ARHGEF10: variants seen among roughly 807,000 people sequenced by gnomAD.
ARHGEF10 encodes Rho guanine nucleotide exchange factor 10.
Under a neutral mutation model 147.4 loss-of-function variants are expected in ARHGEF10, and 140 were observed. The ratio of observed to expected loss-of-function variants is 0.95; its 90% CI spans 0.83 to 1.09. The LOEUF is 1.09. ARHGEF10 is among the 50% of genes least tolerant of loss of function. The probability of loss-of-function intolerance (pLI) is 0.00; values close to 1 mark genes in which losing one functional copy is unlikely to be tolerated. For missense variants in ARHGEF10, 2,222 were observed against 1,752.7 expected, an observed-to-expected ratio of 1.27 and a Z score of -4.78; for synonymous variants, 902 against 695.8, an observed-to-expected ratio of 1.30 and a Z score of -4.67.
At chr8:1,934,848 C>CT (rs1239346635) in intron 26 of ARHGEF10, among the ~76,000 whole-genome samples, 3 of 152,128 alleles carry the variant, frequency 2.0e-5, no homozygotes, top group Non-Finnish European at 4.4e-5. Context: ...AATTTAATAA[C>CT]TTTTTTCACA....
chr8:1,843,880 C>G (rs1354848278), intron 2 of ARHGEF10, among the ~76,000 whole-genome samples: 1 of 152,200 alleles, frequency 6.6e-6, no homozygotes, highest in African/African-American at 2.4e-5. Flanking sequence ...ACAAGCACGC[C>G]CTCTCTATCC....
At chr8:1,881,063 G>A (rs1808150134) in intron 9 of ARHGEF10, among the ~76,000 whole-genome samples, 1 of 152,184 alleles carries the variant, frequency 6.6e-6, no homozygotes, top group South Asian at 2.1e-4. Context: ...ACCATGGGAG[G>A]GGTGTGTGAG....
chr8:1,872,009 A>G (rs1807168706), intron 7 of ARHGEF10, among the ~76,000 whole-genome samples: 1 of 152,138 alleles, frequency 6.6e-6, no homozygotes, highest in Non-Finnish European at 1.5e-5. Context: ...TAGTACAAAA[A>G]TAGACAAGCC....
rs868042811 is a variant in ARHGEF10, at chr8:1,869,205, G to T, written c.634G>T (p.Ala212Ser). Residue 212 changes from alanine (A) to serine (S), a missense_variant, in exon 7 of 29, where the codon GCA becomes TCA. Physicochemically the swap from Ala to Ser is moderately conservative, Grantham distance 99. Transcript: ENST00000349830. ...NTAWMENPEE[A>S]IYDDVPRENS... Reference sequence around the variant, plus strand: ...CCCGTTTATTGCAGATCCAGAGGAAGCAATTTACGATGACGTTCCAAGGGA... The same window carrying T: ...CCCGTTTATTGCAGATCCAGAGGAATCAATTTACGATGACGTTCCAAGGGA... 5 of 1,614,008 alleles carry T rather than the reference G, an allele frequency of 3.1e-6. No individual in the cohort carries two copies. The highest frequency in any genetic ancestry group is 1.6e-4 in the Middle Eastern group (1 of 6,062).
At chr8:1,856,393 C>T (rs949332456) in intron 2 of ARHGEF10, among the ~76,000 whole-genome samples, 18 of 152,216 alleles carry the variant, frequency 1.2e-4, no homozygotes, top group Admixed American at 7.2e-4. Context: ...ATCCAGTTCA[C>T]GCTGTCGTGG....
chr8:1,919,159 G>GTGGGTGATGGAGCTGTTCTC (rs1429105465), intron 18 of ARHGEF10, among the ~76,000 whole-genome samples: 1 of 142,994 alleles, frequency 7.0e-6, no homozygotes, highest in African/African-American at 2.6e-5. Flanking sequence ...GAGCTGTTCC[G>GTGGGTGATGGAGCTGTTCTC]TGGGTGATGG....
Position 1,830,631 on chromosome 8 carries a change from C to T in ARHGEF10, c.-48+6518C>T, listed in dbSNP as rs556431722. ...CTAAGTACTAAGTGCTCTCACGCCC[C>T]AAGGCAGGGTGTGAACCGCAGAGAC... is the stretch of plus-strand genomic sequence containing the variant. On this transcript the variant is annotated intron_variant, in intron 1 of 28. Transcript: ENST00000349830. Among the ~76,000 whole-genome samples, 6 of 152,310 alleles carry T rather than the reference C, an allele frequency of 3.9e-5. No individual in the cohort carries two copies. The South Asian group carries it at 1.2e-3, about 32-fold the overall frequency.
At chr8:1,896,213 T>C in intron 13 of ARHGEF10, 120 bp from the exon 14 acceptor site, 9 of 850,308 alleles carry the variant, frequency 1.1e-5, no homozygotes, top group South Asian at 1.3e-5. Flanking sequence ...GTTTATCTTA[T>C]GAAAACATCA....
chr8:1,945,794 C>A, intron 27 of ARHGEF10, 139 bp downstream of exon 27: 1 of 1,313,096 alleles, frequency 7.6e-7, no homozygotes, highest in Non-Finnish European at 1.1e-6. Flanking sequence ...TGGGGTGGGA[C>A]AAGGCCCAGG....
In ARHGEF10 at chr8:1,957,257, T is replaced by C; in HGVS notation, c.4029T>C (p.Asn1343=). The C allele has an allele frequency of 6.2e-7, 1 of 1,610,052 alleles. No individual in the cohort carries two copies. The highest frequency in any genetic ancestry group is 8.5e-7 in the Non-Finnish European group (1 of 1,179,586). ...TVMVWQIPLL[N]I ...TGGTCTGGCAGATCCCTCTGCTGAA[T>C]ATATAAGCAGGACGGCCGCCTTCTG... Residue 1343 remains asparagine (N), a synonymous_variant, in exon 29 of 29, where the codon AAT becomes AAC. Coordinates refer to ENST00000349830, the MANE Select transcript of ARHGEF10 (RefSeq NM_014629.4).
At chr8:1,927,252 A>G (rs565574043) in intron 23 of ARHGEF10, 64 of 152,886 alleles carry the variant, frequency 4.2e-4, no homozygotes, top group African/African-American at 1.5e-3. Flanking sequence ...CAGACCTGTC[A>G]TGGCTGAAGC....
intron 12 of ARHGEF10, 68 bp downstream of exon 12, chr8:1,893,714 T>G (rs966721520): frequency 8.0e-7 from 1 of 1,251,026 alleles, no homozygotes; most frequent in African/African-American, 1.5e-5. Flanking sequence ...TACATTTTGA[T>G]CCATAAATGC....
In ARHGEF10 at chr8:1,920,052, G is replaced by GGGTGATGGAGCTGTTCCA. The variant is rs1563286461; in HGVS notation, c.2144-2912_2144-2911insGGTGATGGAGCTGTTCCA. Among the ~76,000 whole-genome samples the GGGTGATGGAGCTGTTCCA allele has an allele frequency of 8.9e-3, 834 of 94,004 alleles. 56 individuals are homozygous for GGGTGATGGAGCTGTTCCA. Among genetic ancestry groups the GGGTGATGGAGCTGTTCCA allele is most frequent in the African/African-American group, 0.031 (792 of 25,638 alleles). 61.7% of individuals were successfully genotyped at this position (94,004 alleles called of 152,430 possible). On this transcript the variant is annotated intron_variant, in intron 18 of 28. Transcript: ENST00000349830. ...GTTCTATGGGTGATGGAGCTGTTCCGTGGGTGATGGAGCTGTTCTGTGGGT... is the reference window on the plus strand; with the variant it reads ...GTTCTATGGGTGATGGAGCTGTTCCGGGTGATGGAGCTGTTCCATGGGTGATGGAGCTGTTCTGTGGGT...
At chr8:1,881,743 C>G (rs1034889254) in intron 9 of ARHGEF10, among the ~76,000 whole-genome samples, 5 of 152,210 alleles carry the variant, frequency 3.3e-5, no homozygotes, top group Admixed American at 3.3e-4. Flanking sequence ...GCTGTCTGCA[C>G]GCTGGTGCCC....
chr8:1,839,389 G>GT (rs1803810207), intron 1 of ARHGEF10, among the ~76,000 whole-genome samples: 1 of 139,188 alleles, frequency 7.2e-6, no homozygotes, highest in Non-Finnish European at 1.5e-5. Flanking sequence ...TCTGGTGTGG[G>GT]ACTGTCTGCT....
intron 11 of ARHGEF10, among the ~76,000 whole-genome samples, chr8:1,885,935 G>A (rs926338212): frequency 3.3e-5 from 5 of 152,244 alleles, no homozygotes; most frequent in African/African-American, 1.2e-4. Context: ...AGGCCCTTCT[G>A]GTCCTTAAAT....
intron 1 of ARHGEF10, among the ~76,000 whole-genome samples, chr8:1,827,444 G>T (rs1317739148): frequency 1.3e-5 from 2 of 152,116 alleles, no homozygotes; most frequent in Admixed American, 6.5e-5. Flanking sequence ...AAGTAGCTGG[G>T]ATTATAAGCA....
intron 18 of ARHGEF10, among the ~76,000 whole-genome samples, chr8:1,910,036 T>C (rs1405350518): frequency 6.6e-6 from 1 of 152,194 alleles, no homozygotes; most frequent in Admixed American, 6.5e-5. Context: ...TTACCTAACA[T>C]TGTTCAGACT....
intron 8 of ARHGEF10, among the ~76,000 whole-genome samples, chr8:1,879,367 C>T (rs1300632237): frequency 2.6e-5 from 4 of 152,104 alleles, no homozygotes; most frequent in African/African-American, 9.7e-5. Context: ...TGGATGCCAA[C>T]ATAAAAAATG....
Sources: gnomAD v4.1 joint callset for allele counts (sites outside exome capture counted in the v4.1 genomes callset) on GRCh38, gnomAD v4.1.1 for gene constraint, MANE v1.5 for transcripts, NCBI Gene and HGNC (gene_info 2026-07-23, HGNC 2026-07-21) for gene names.